Variants in JAK2 observed in about 807,000 individuals in gnomAD.
JAK2 encodes the protein tyrosine-protein kinase JAK2.
In JAK2, 86 loss-of-function variants were observed where a neutral mutation model predicts 139.3. The ratio of observed to expected loss-of-function variants is 0.62; its 90% CI spans 0.52 to 0.74. The LOEUF (loss-of-function observed/expected upper bound fraction) is 0.74. Ranked by LOEUF, JAK2 falls within the 30% of genes least tolerant of loss-of-function variation. The pLI is 0.00. For synonymous variants in JAK2, 490 were observed against 437.7 expected, an observed-to-expected ratio of 1.12 and a Z score of -1.49; for missense variants, 1,421 against 1,360.3, an observed-to-expected ratio of 1.04 and a Z score of -0.70.
chr9:5,095,461 C>A (rs1485303433), intron 22 of JAK2, among the ~76,000 whole-genome samples: 1 of 152,008 alleles, frequency 6.6e-6, no homozygotes, highest in Non-Finnish European at 1.5e-5. Flanking sequence ...TTTCAACAAC[C>A]CGTCCTCCGG....
At chr9:5,080,892 C>CTTTTTTTTTTTT (rs33925764) in intron 18 of JAK2, among the ~76,000 whole-genome samples, 1 of 95,616 alleles carries the variant, frequency 1.0e-5, no homozygotes, top group African/African-American at 4.6e-5. Flanking sequence ...AAGACCTTTT[C>CTTTTTTTTTTTT]TTTTTTTTTT....
At chr9:5,085,890 G>A (rs1354597960) in intron 19 of JAK2, 1 of 820,596 alleles carries the variant, frequency 1.2e-6, no homozygotes, top group South Asian at 1.3e-5. Context: ...TGATATGAGC[G>A]GTTCCTTTCT....
At chr9:5,042,207 G>A (rs895536697) in intron 4 of JAK2, among the ~76,000 whole-genome samples, 18 of 143,426 alleles carry the variant, frequency 1.3e-4, no homozygotes, top group African/African-American at 4.2e-4. Context: ...GCGCAATCTC[G>A]GCTCACTGCA....
chr9:5,078,486 C>T (rs544290453), intron 16 of JAK2, 42 bp downstream of exon 16: 22 of 1,532,384 alleles, frequency 1.4e-5, no homozygotes, highest in Non-Finnish European at 1.6e-5. Context: ...CTAAGCTTTA[C>T]TTGGGCAGTG....
In JAK2 at chr9:5,128,799, T is replaced by C. The variant is rs1824166260; in HGVS notation, c.*2008T>C. Among the ~76,000 whole-genome samples, 1 of 152,006 alleles carries C rather than the reference T, an allele frequency of 6.6e-6. No individual in the cohort carries two copies. The highest frequency in any genetic ancestry group is 2.4e-5 in the African/African-American group (1 of 41,456). On this transcript the variant is annotated 3_prime_UTR_variant, in exon 25 of 25. Transcript: ENST00000381652. ...ATAAGATAACCCTGTAGTTATTAAGTTGGTTCTGTACAAGAAACAGGTAAG... is the reference window on the plus strand; with the variant it reads ...ATAAGATAACCCTGTAGTTATTAAGCTGGTTCTGTACAAGAAACAGGTAAG...
chr9:5,105,583 C>G (rs1821887219), intron 22 of JAK2, among the ~76,000 whole-genome samples: 1 of 152,054 alleles, frequency 6.6e-6, no homozygotes, highest in Non-Finnish European at 1.5e-5. Flanking sequence ...TCATATGGAA[C>G]CAAAAAAGAG....
intron 8 of JAK2, among the ~76,000 whole-genome samples, chr9:5,059,984 T>C (rs2149557): frequency 0.021 from 3,229 of 152,278 alleles, 127 homozygotes; most frequent in African/African-American, 0.075. Context: ...GTCAGAGATA[T>C]TTCTAGTTCA....
chr9:5,025,489 TC>T (rs1822721683), intron 3 of JAK2, among the ~76,000 whole-genome samples: 1 of 151,936 alleles, frequency 6.6e-6, no homozygotes, highest in South Asian at 2.1e-4. Context: ...TCTTTCTTGC[TC>T]CTTCTTTCTT....
intron 4 of JAK2, among the ~76,000 whole-genome samples, chr9:5,039,266 C>A (rs565796156): frequency 6.6e-5 from 10 of 152,204 alleles, no homozygotes; most frequent in Middle Eastern, 3.4e-3. Flanking sequence ...ATTAAACCAA[C>A]TGCAGATTGA....
chr9:5,070,200 AC>A (rs1818862823), intron 12 of JAK2, 148 bp downstream of exon 12: 1 of 474,298 alleles, frequency 2.1e-6, no homozygotes, highest in East Asian at 3.5e-5. Flanking sequence ...AAATATGCCA[AC>A]CTTGTGTTAG....
Position 5,038,232 on chromosome 9 carries a change from T to C in JAK2, c.351-6171T>C, listed in dbSNP as rs150515041. ...CAAATTCCTAGAAAGACACAAGTTATAGGAACTGCTAAAAGAAAGAACAGA... is the reference window on the plus strand; with the variant it reads ...CAAATTCCTAGAAAGACACAAGTTACAGGAACTGCTAAAAGAAAGAACAGA... On this transcript the variant is annotated intron_variant, in intron 4 of 24. Coordinates refer to ENST00000381652, the MANE Select transcript of JAK2 (RefSeq NM_004972.4). Among the ~76,000 whole-genome samples the C allele has an allele frequency of 8.9e-3, 1,357 of 152,288 alleles. 17 individuals are homozygous for C. The highest frequency in any genetic ancestry group is 0.03 in the African/African-American group (1,232 of 41,526).
At chr9:5,068,966 C>A in intron 10 of JAK2, 56 bp from the exon 11 acceptor site, 2 of 963,794 alleles carry the variant, frequency 2.1e-6, no homozygotes, top group Admixed American at 2.5e-5. Flanking sequence ...TCAGAATAAT[C>A]ACTGTGATGT....
chr9:5,043,019 CCCCTGGG>C lies in JAK2; in HGVS notation c.351-1378_351-1372del, dbSNP rs559540192. 1.3e-3 allele frequency among the ~76,000 whole-genome samples: 192 copies of C among 152,342 alleles called. 5 individuals carry two copies. In the South Asian group the frequency reaches 0.024, roughly 19 times the overall value. On this transcript the variant is annotated intron_variant, in intron 4 of 24. Transcript: ENST00000381652. ...GGCCGGCTGGCGTCGCGCGGCTCGG[CCCCTGGG>C]CCCTGCTGTGTGGAGGCGCGCGGGC...
intron 19 of JAK2, chr9:5,086,246 G>A: frequency 1.8e-6 from 1 of 561,314 alleles, no homozygotes; most frequent in Non-Finnish European, 2.3e-6. Context: ...GTCGCGGTAG[G>A]ATGGTGGCTC....
At chr9:5,098,473 T>G (rs1821198264) in intron 22 of JAK2, 1 of 152,138 alleles carries the variant, frequency 6.6e-6, no homozygotes, top group South Asian at 2.1e-4. Context: ...ATTTCCGTAA[T>G]ACTCACAACA....
intron 22 of JAK2, among the ~76,000 whole-genome samples, chr9:5,120,510 A>G (rs1157509496): frequency 6.6e-6 from 1 of 152,206 alleles, no homozygotes; most frequent in Non-Finnish European, 1.5e-5. Flanking sequence ...GTTTTAAGCT[A>G]ACAATATGGT....
chr9:5,088,832 A>C (rs1245791054), intron 19 of JAK2, among the ~76,000 whole-genome samples: 1 of 152,158 alleles, frequency 6.6e-6, no homozygotes, highest in Non-Finnish European at 1.5e-5. Flanking sequence ...GTCACATTAG[A>C]GTTCCACCCT....
chr9:5,061,823 G>A (rs1818195659), intron 8 of JAK2, among the ~76,000 whole-genome samples: 1 of 152,200 alleles, frequency 6.6e-6, no homozygotes, highest in Non-Finnish European at 1.5e-5. Context: ...TCCTCACTAA[G>A]CTTAATCATT....
intron 22 of JAK2, among the ~76,000 whole-genome samples, chr9:5,102,291 G>A (rs1050544993): frequency 1.3e-5 from 2 of 152,156 alleles, no homozygotes; most frequent in African/African-American, 4.8e-5. Context: ...AAGGGTATCA[G>A]TGATTGAAGA....
Sources: gnomAD v4.1 joint callset for allele counts (sites outside exome capture counted in the v4.1 genomes callset) on GRCh38, gnomAD v4.1.1 for gene constraint, MANE v1.5 for transcripts, NCBI Gene and HGNC (gene_info 2026-07-23, HGNC 2026-07-21) for gene names.